OSBP2: variants seen among roughly 807,000 people sequenced by gnomAD.
The protein encoded by OSBP2 is oxysterol-binding protein 2.
Under a neutral mutation model 96.0 loss-of-function variants are expected in OSBP2, and 66 were observed. That is an observed-to-expected ratio of 0.69 (90% CI 0.56 to 0.84). The LOEUF (loss-of-function observed/expected upper bound fraction) is 0.84. Ranked by LOEUF, OSBP2 falls within the 40% of genes least tolerant of loss-of-function variation. The pLI is 0.00. For synonymous variants in OSBP2, 525 were observed against 520.9 expected (o/e 1.01, Z -0.11); for missense variants, 1,038 against 1,222.7 (o/e 0.85, Z 2.25).
chr22:30,870,469 C>G lies in OSBP2; in HGVS notation c.894C>G (p.Asp298Glu). The G allele has an allele frequency of 6.2e-7, 1 of 1,614,066 alleles. No individual in the cohort carries two copies. Among genetic ancestry groups the G allele is most frequent in the Non-Finnish European group, 8.5e-7 (1 of 1,180,016 alleles). The change falls in exon 3 of 14, where the codon GAC becomes GAG. Residue 298 changes from aspartate (D) to glutamate (E), a missense_variant. Transcript: ENST00000332585. This position sits in a 1 kb window ranked among gnomAD's most constrained non-coding sequence, Gnocchi z 4.1. ...GDDDEATTPADKSELHHTLKN... is the reference protein window; with the variant it reads ...GDDDEATTPAEKSELHHTLKN... ...ACGACGAGGCTACCACCCCAGCCGACAAGAGCGAGCTGCACCACACCCTGA... is the reference window on the plus strand; with the variant it reads ...ACGACGAGGCTACCACCCCAGCCGAGAAGAGCGAGCTGCACCACACCCTGA...
chr22:30,809,734 G>A (rs931671023), intron 2 of OSBP2, among the ~76,000 whole-genome samples: 1 of 152,208 alleles, frequency 6.6e-6, no homozygotes, highest in Non-Finnish European at 1.5e-5. Flanking sequence ...TCCCCATAAT[G>A]TCATGGAAGA....
intron 3 of OSBP2, among the ~76,000 whole-genome samples, chr22:30,879,466 A>G (rs2039654451): frequency 6.6e-6 from 1 of 152,218 alleles, no homozygotes; most frequent in Non-Finnish European, 1.5e-5. Context: ...AGACATTCTG[A>G]TCGACCCCCG....
intron 1 of OSBP2, among the ~76,000 whole-genome samples, chr22:30,708,734 C>T (rs2089296822): frequency 6.6e-6 from 1 of 150,778 alleles, no homozygotes; most frequent in Non-Finnish European, 1.5e-5. Context: ...GTGATCCGCC[C>T]ACTTCAGCCT....
At chr22:30,848,445 T>C (rs1029957596) in intron 2 of OSBP2, among the ~76,000 whole-genome samples, 28 of 152,356 alleles carry the variant, frequency 1.8e-4, no homozygotes, top group African/African-American at 6.5e-4. Flanking sequence ...AACCTTATTA[T>C]TATTGAATTT....
At chr22:30,855,065 C>A (rs1403541222) in intron 2 of OSBP2, among the ~76,000 whole-genome samples, 1 of 152,168 alleles carries the variant, frequency 6.6e-6, no homozygotes, top group Admixed American at 6.5e-5. Context: ...CTCTACCTGG[C>A]CCCTCCCACG....
chr22:30,696,676 C>T (rs945755727), intron 1 of OSBP2, among the ~76,000 whole-genome samples: 1 of 152,090 alleles, frequency 6.6e-6, no homozygotes, highest in Non-Finnish European at 1.5e-5. Context: ...GTTTTTGAGA[C>T]GGAGTATTGC....
chr22:30,822,508 G>GGACCCACGAGTGTCCGCAGCCTC, intron 2 of OSBP2: 1 of 1,348,416 alleles, frequency 7.4e-7, no homozygotes, highest in Non-Finnish European at 9.5e-7. Flanking sequence ...CGCGGCGCCG[G>GGACCCACGAGTGTCCGCAGCCTC]GACCCACGAG....
intron 2 of OSBP2, among the ~76,000 whole-genome samples, chr22:30,745,194 C>G (rs1424870252): frequency 4.0e-5 from 6 of 151,820 alleles, no homozygotes; most frequent in Non-Finnish European, 8.8e-5. Flanking sequence ...ATAGTTCTAT[C>G]TAATCCTCAT....
chr22:30,841,091 G>A (rs541010558), intron 2 of OSBP2, among the ~76,000 whole-genome samples: 3 of 152,122 alleles, frequency 2.0e-5, no homozygotes, highest in South Asian at 2.1e-4. Flanking sequence ...CTTGAACCCG[G>A]GAGGCGGAGG....
At chr22:30,858,322 A>G (rs2039127937) in intron 2 of OSBP2, among the ~76,000 whole-genome samples, 2 of 149,018 alleles carry the variant, frequency 1.3e-5, no homozygotes, top group Admixed American at 1.3e-4. Context: ...AATTTTTTGT[A>G]TTTTTAGTAG....
At chr22:30,842,279 CAG>C (rs2038769131) in intron 2 of OSBP2, among the ~76,000 whole-genome samples, 1 of 152,154 alleles carries the variant, frequency 6.6e-6, no homozygotes, top group Admixed American at 6.5e-5. Flanking sequence ...GTCTGGGCGA[CAG>C]AGCAAGGCCC....
Position 30,887,561 on chromosome 22 carries a change from C to A in OSBP2, c.1243C>A (p.Arg415=), listed in dbSNP as rs748651216. 1 of 1,612,994 alleles carries A rather than the reference C, an allele frequency of 6.2e-7. No individual in the cohort carries two copies. The highest frequency in any genetic ancestry group is 8.5e-7 in the Non-Finnish European group (1 of 1,179,870). ...GGCGAAGCAGCACAACAGCCTCGAG[C>A]GGGCCTTCCACAGTGCCCCTGGCCG... ...QLAKQHNSLE[R]AFHSAPGRPA... is the part of the protein sequence containing the mutation. The change falls in exon 4 of 14, where the codon CGG becomes AGG. Residue 415 remains arginine, a synonymous_variant. Transcript: ENST00000332585.
intron 1 of OSBP2, among the ~76,000 whole-genome samples, chr22:30,733,174 T>C (rs1241611820): frequency 1.3e-5 from 2 of 152,220 alleles, no homozygotes; most frequent in Non-Finnish European, 2.9e-5. Flanking sequence ...CGTGTTGGTT[T>C]CTACTGCTGG....
chr22:30,853,851 C>T lies in OSBP2; in HGVS notation c.854-16578C>T, dbSNP rs533933220. On this transcript the variant is annotated intron_variant, in intron 2 of 13. Transcript: ENST00000332585. Reference sequence around the variant, plus strand: ...TGGTGCCATCTCAGCTCTGCCTCCTCGGGGTTCAAGCGATTCTCCCGCCTC... The same window carrying T: ...TGGTGCCATCTCAGCTCTGCCTCCTTGGGGTTCAAGCGATTCTCCCGCCTC... 5.9e-5 allele frequency among the ~76,000 whole-genome samples: 9 copies of T among 151,888 alleles called. No homozygotes were observed. The East Asian group carries it at 7.8e-4, about 13-fold the overall frequency.
Position 30,890,671 on chromosome 22 carries a change from G to A in OSBP2, c.1624-57G>A. ...CCCTGAACATCCGAGAAAAGCAAGG[G>A]CACCATGCCAAGCCGGGGCTGGTGC... On this transcript the variant is annotated intron_variant, in intron 7 of 13. Transcript: ENST00000332585. The surrounding 1 kb of genome is among the most constrained non-coding windows in gnomAD (Gnocchi z 4.4). 1.3e-6 allele frequency: 2 copies of A among 1,593,136 alleles called. No homozygotes were observed. The highest frequency in any genetic ancestry group is 1.7e-5 in the Admixed American group (1 of 59,762).
intron 2 of OSBP2, among the ~76,000 whole-genome samples, chr22:30,865,119 T>C (rs2039306294): frequency 6.6e-6 from 1 of 152,186 alleles, no homozygotes; most frequent in Non-Finnish European, 1.5e-5. Context: ...CTGGCTCCCC[T>C]GCGCTAGATG....
chr22:30,898,021 T>C (rs1391553860), intron 12 of OSBP2, among the ~76,000 whole-genome samples: 1 of 151,962 alleles, frequency 6.6e-6, no homozygotes, highest in East Asian at 1.9e-4. Context: ...AGGAAATATA[T>C]TGCCTTAAAT....
intron 2 of OSBP2, among the ~76,000 whole-genome samples, chr22:30,869,055 T>C (rs537322349): frequency 2.6e-4 from 39 of 152,272 alleles, no homozygotes; most frequent in Admixed American, 8.5e-4. Context: ...CCTGTGCCAT[T>C]GTTAAACAGC....
intron 2 of OSBP2, among the ~76,000 whole-genome samples, chr22:30,764,910 A>G (rs1266608261): frequency 6.6e-6 from 1 of 152,130 alleles, no homozygotes; most frequent in Non-Finnish European, 1.5e-5. Context: ...AGAAAACTGA[A>G]TAACTTCTCT....
Sources: gnomAD v4.1 joint callset for allele counts (sites outside exome capture counted in the v4.1 genomes callset) on GRCh38, gnomAD v4.1.1 for gene constraint, Gnocchi (gnomAD v3.1) non-coding constraint, MANE v1.5 for transcripts, NCBI Gene and HGNC (gene_info 2026-07-23, HGNC 2026-07-21) for gene names.